Variants in SOX6 observed in about 807,000 individuals in gnomAD.
SOX6 encodes transcription factor SOX-6.
A neutral mutation model predicts 97.8 loss-of-function variants in SOX6; 11 were observed. The ratio of observed to expected loss-of-function variants is 0.11; its 90% confidence interval spans 0.07 to 0.19. SOX6 has a LOEUF of 0.19. SOX6 is among the 10% of genes least tolerant of loss of function. The pLI is 1.00. For synonymous variants in SOX6, 360 were observed against 371.4 expected (o/e 0.97, Z 0.35); for missense variants, 810 against 1,039.5 (o/e 0.78, Z 3.04).
intron 6 of SOX6, among the ~76,000 whole-genome samples, chr11:16,166,473 GA>G (rs1850890636): frequency 6.6e-6 from 1 of 152,168 alleles, no homozygotes; most frequent in Non-Finnish European, 1.5e-5. Context: ...AATGATTTAA[GA>G]TTTCAACTAT....
intron 4 of SOX6, among the ~76,000 whole-genome samples, chr11:16,506,723 C>G (rs1442660173): frequency 6.6e-6 from 1 of 152,054 alleles, no homozygotes; most frequent in South Asian, 2.1e-4. Context: ...TGGATTTCCC[C>G]CTTGATGTTC....
chr11:16,697,314 T>C (rs574339896), intron 3 of SOX6, among the ~76,000 whole-genome samples: 56 of 152,136 alleles, frequency 3.7e-4, no homozygotes, highest in Non-Finnish European at 6.5e-4. Context: ...CTTAATGGCA[T>C]CTAGAATGGT....
chr11:16,180,818 A>G (rs1851327178), intron 6 of SOX6, among the ~76,000 whole-genome samples: 1 of 151,852 alleles, frequency 6.6e-6, no homozygotes, highest in Admixed American at 6.6e-5. Flanking sequence ...GTTAAAAAAT[A>G]TATTCAAGGA....
intron 12 of SOX6, among the ~76,000 whole-genome samples, chr11:16,017,002 T>TA (rs199589413): frequency 5.3e-5 from 8 of 150,230 alleles, no homozygotes; most frequent in South Asian, 2.1e-4. Flanking sequence ...ATATTCTCAG[T>TA]AAAATAAAAT....
At chr11:16,134,390 GC>G (rs1226255833) in intron 6 of SOX6, among the ~76,000 whole-genome samples, 1 of 148,606 alleles carries the variant, frequency 6.7e-6, no homozygotes, top group Non-Finnish European at 1.5e-5. Context: ...AGTAAGGAAA[GC>G]CTTGAAAACT....
At chr11:16,262,232 T>C (rs1465390950) in intron 3 of SOX6, among the ~76,000 whole-genome samples, 1 of 152,098 alleles carries the variant, frequency 6.6e-6, no homozygotes, top group African/African-American at 2.4e-5. Flanking sequence ...TACTACTAAA[T>C]GGCAAGTCAA....
chr11:16,363,845 C>T (rs1857273786), intron 1 of SOX6, among the ~76,000 whole-genome samples: 1 of 152,060 alleles, frequency 6.6e-6, no homozygotes, highest in Admixed American at 6.6e-5. Context: ...TCTAGCCTCT[C>T]ACTTTTCAGA....
At chr11:16,384,676 G>A (rs1460065970) in intron 1 of SOX6, among the ~76,000 whole-genome samples, 2 of 151,842 alleles carry the variant, frequency 1.3e-5, no homozygotes, top group African/African-American at 2.4e-5. Context: ...TAGTCATAAG[G>A]GAAATGCACC....
chr11:16,172,554 A>C (rs776031696), intron 6 of SOX6, among the ~76,000 whole-genome samples: 1 of 152,044 alleles, frequency 6.6e-6, no homozygotes, highest in Non-Finnish European at 1.5e-5. Flanking sequence ...CAATGGTTTG[A>C]AATGGAAACA....
intron 9 of SOX6, among the ~76,000 whole-genome samples, chr11:16,078,252 C>T (rs1198252342): frequency 6.6e-6 from 1 of 152,066 alleles, no homozygotes; most frequent in Non-Finnish European, 1.5e-5. Context: ...TTGTAATGTT[C>T]CTTTATCTCT....
At chr11:16,657,817 T>C (rs1847735212) in intron 3 of SOX6, among the ~76,000 whole-genome samples, 1 of 152,228 alleles carries the variant, frequency 6.6e-6, no homozygotes, top group African/African-American at 2.4e-5. Flanking sequence ...CATTTTTTAA[T>C]TGGGCTGTTT....
At chr11:16,609,054 G>A (rs1381054812) in intron 4 of SOX6, among the ~76,000 whole-genome samples, 1 of 152,122 alleles carries the variant, frequency 6.6e-6, no homozygotes, top group Non-Finnish European at 1.5e-5. Context: ...TAGATTTGAA[G>A]GACATAGAAT....
intron 3 of SOX6, among the ~76,000 whole-genome samples, chr11:16,272,629 T>C (rs1417851295): frequency 6.6e-6 from 1 of 151,720 alleles, no homozygotes; most frequent in Admixed American, 6.6e-5. Flanking sequence ...TATGAGAAAA[T>C]AAGTCATCTG....
chr11:16,159,013 T>G (rs997823582), intron 6 of SOX6, among the ~76,000 whole-genome samples: 8 of 151,986 alleles, frequency 5.3e-5, no homozygotes, highest in Non-Finnish European at 1.2e-4. Context: ...TTTTCACCAT[T>G]TTCCATCTCC....
At chr11:16,361,647 C>T (rs1351054006) in intron 1 of SOX6, among the ~76,000 whole-genome samples, 2 of 152,076 alleles carry the variant, frequency 1.3e-5, no homozygotes, top group Non-Finnish European at 2.9e-5. Flanking sequence ...AAACTCTACC[C>T]CAGAAACATG....
At chr11:16,083,759 C>G (rs1344555242) in intron 9 of SOX6, among the ~76,000 whole-genome samples, 1 of 152,170 alleles carries the variant, frequency 6.6e-6, no homozygotes, top group Non-Finnish European at 1.5e-5. Context: ...TAGCACTTGA[C>G]AGTGTATAAA....
chr11:16,014,047 TA>T (rs751565063), intron 13 of SOX6, among the ~76,000 whole-genome samples: 1 of 152,060 alleles, frequency 6.6e-6, no homozygotes, highest in African/African-American at 2.4e-5. Flanking sequence ...GAGAACAAAT[TA>T]ATCTTCCCTG....
At chr11:16,123,878 C>T (rs1330145546) in intron 6 of SOX6, among the ~76,000 whole-genome samples, 2 of 152,194 alleles carry the variant, frequency 1.3e-5, no homozygotes, top group South Asian at 2.1e-4. Context: ...TCCATACTCC[C>T]TAGCCTAGGC....
At chr11:16,071,560 G>A (rs768367454) in intron 9 of SOX6, among the ~76,000 whole-genome samples, 7 of 151,976 alleles carry the variant, frequency 4.6e-5, no homozygotes, top group African/African-American at 7.3e-5. Context: ...CTGATAGCAG[G>A]GCAGGCAACT....
Sources: gnomAD v4.1 joint callset for allele counts (sites outside exome capture counted in the v4.1 genomes callset) on GRCh38, gnomAD v4.1.1 for gene constraint, MANE v1.5 for transcripts, NCBI Gene and HGNC (gene_info 2026-07-23, HGNC 2026-07-21) for gene names.